Variants in TCF12 observed in about 807,000 individuals in gnomAD.
TCF12 encodes the protein DNA-binding protein HTF4.
Under a neutral mutation model 86.0 loss-of-function variants are expected in TCF12, and 45 were observed. The ratio of observed to expected loss-of-function variants is 0.52; its 90% CI spans 0.41 to 0.67. The LOEUF (loss-of-function observed/expected upper bound fraction) is 0.67. Ranked by LOEUF, TCF12 falls within the 30% of genes least tolerant of loss-of-function variation. TCF12 has a pLI of 0.00. For missense variants in TCF12, 881 were observed against 859.9 expected (o/e 1.02, Z -0.31); for synonymous variants, 330 against 299.6 (o/e 1.10, Z -1.05).
At chr15:57,190,177 G>A (rs1290628688) in intron 6 of TCF12, among the ~76,000 whole-genome samples, 7 of 152,196 alleles carry the variant, frequency 4.6e-5, no homozygotes, top group Non-Finnish European at 7.3e-5. Context: ...ACAACATTTT[G>A]AATGTACTAA....
chr15:56,921,481 A>G (rs2059790519), intron 3 of TCF12, among the ~76,000 whole-genome samples: 1 of 152,080 alleles, frequency 6.6e-6, no homozygotes, highest in African/African-American at 2.4e-5. Context: ...ATTTACTTTC[A>G]ATACATTTAT....
chr15:57,259,566 C>A (rs961287367), intron 16 of TCF12, among the ~76,000 whole-genome samples: 1 of 152,196 alleles, frequency 6.6e-6, no homozygotes, highest in Non-Finnish European at 1.5e-5. Flanking sequence ...AAAGTAAGGC[C>A]ATACATAGAT....
chr15:57,062,123 A>AT (rs1310028348), intron 3 of TCF12, among the ~76,000 whole-genome samples: 1 of 151,920 alleles, frequency 6.6e-6, no homozygotes, highest in Non-Finnish European at 1.5e-5. Context: ...CACCTGGCTA[A>AT]TTTTTTGTAT....
chr15:57,222,563 T>C (rs1021726240), intron 8 of TCF12, among the ~76,000 whole-genome samples: 1 of 151,794 alleles, frequency 6.6e-6, no homozygotes, highest in Non-Finnish European at 1.5e-5. Flanking sequence ...CTAAAACTAT[T>C]TTGCACCTTA....
At position 57,091,932 on chromosome 15, in the gene TCF12, C is replaced by G. The variant is rs367931115; in HGVS notation, c.325+41C>G. The G allele has an allele frequency of 1.2e-5, 18 of 1,538,912 alleles. No homozygotes were observed. The African/African-American group carries it at 2.3e-4, about 20-fold the overall frequency. The stretch of plus-strand genomic sequence containing the variant: ...TCTGCAAGTAGTCTTCTCAAAGCTT[C>G]TTTGGTCAGAGACATTTTTTATCCC... On this transcript the variant is annotated intron_variant, in intron 5 of 20. Transcript: ENST00000333725.
chr15:57,274,360 G>T (rs1238800343), intron 19 of TCF12, among the ~76,000 whole-genome samples: 1 of 152,194 alleles, frequency 6.6e-6, no homozygotes, highest in African/African-American at 2.4e-5. Context: ...AAGAATGAGG[G>T]ATAGATCATT....
At chr15:56,953,535 A>G (rs553764455) in intron 3 of TCF12, among the ~76,000 whole-genome samples, 11 of 152,148 alleles carry the variant, frequency 7.2e-5, no homozygotes, top group South Asian at 2.1e-4. Context: ...GAATTCACCA[A>G]TGAAACCAAC....
chr15:57,258,957 T>C (rs1169904351), intron 16 of TCF12, among the ~76,000 whole-genome samples: 1 of 152,208 alleles, frequency 6.6e-6, no homozygotes, highest in Non-Finnish European at 1.5e-5. Flanking sequence ...CAGTATTTAA[T>C]TTTAGTAATG....
intron 3 of TCF12, among the ~76,000 whole-genome samples, chr15:56,930,169 G>T (rs1409663799): frequency 6.6e-6 from 1 of 152,180 alleles, no homozygotes; most frequent in Non-Finnish European, 1.5e-5. Flanking sequence ...TGTTGGTTGG[G>T]CATGGAAGGT....
chr15:57,043,684 A>G (rs944133494), intron 3 of TCF12, among the ~76,000 whole-genome samples: 5 of 152,248 alleles, frequency 3.3e-5, no homozygotes, highest in Non-Finnish European at 2.9e-5. Flanking sequence ...AAAGTAAAAG[A>G]TACTGAATTT....
At position 57,167,410 on chromosome 15, in the gene TCF12, A is replaced by T. The variant is rs542287007; in HGVS notation, c.390+944A>T. 2.0e-5 allele frequency among the ~76,000 whole-genome samples: 3 copies of T among 152,158 alleles called. No individual in the cohort carries two copies. The East Asian group carries it at 5.8e-4, about 29-fold the overall frequency. On this transcript the variant is annotated intron_variant, in intron 6 of 20. Coordinates refer to ENST00000333725, the MANE Select transcript of TCF12 (RefSeq NM_207037.2). Reference sequence around the variant, plus strand: ...ACCTTGTCTCTACTTAAAATGTAAAAATCAGCCAGGTGTAGTGGTGCATGC... The same window carrying T: ...ACCTTGTCTCTACTTAAAATGTAAATATCAGCCAGGTGTAGTGGTGCATGC...
chr15:56,995,671 T>G (rs569713395), intron 3 of TCF12, among the ~76,000 whole-genome samples: 1 of 152,284 alleles, frequency 6.6e-6, no homozygotes, highest in African/African-American at 2.4e-5. Context: ...TGTAGTTGCC[T>G]ATCAGCTCTA....
chr15:57,219,101 G>A, intron 8 of TCF12: 1 of 1,058,670 alleles, frequency 9.4e-7, no homozygotes, highest in Non-Finnish European at 1.1e-6. Flanking sequence ...TGCCACAAGT[G>A]CTCTAATTTA....
intron 7 of TCF12, 80 bp downstream of exon 7, chr15:57,192,373 GC>G: frequency 6.9e-7 from 1 of 1,455,202 alleles, no homozygotes; most frequent in Non-Finnish European, 9.2e-7. Context: ...TTCTGGCTAT[GC>G]TTTTTTTTTT....
In TCF12 at chr15:57,182,724, GA is replaced by G. The variant is rs1248945170; in HGVS notation, c.391-9429del. ...CATATCCAGATTTGTCTATAGTGAGGAAAAAGGTTTATCAACACTAAAACTG... is the reference window on the plus strand; with the variant it reads ...CATATCCAGATTTGTCTATAGTGAGGAAAAGGTTTATCAACACTAAAACTG... On this transcript the variant is annotated intron_variant, in intron 6 of 20. Coordinates refer to ENST00000333725, the MANE Select transcript of TCF12 (RefSeq NM_207037.2). Among the ~76,000 whole-genome samples, 11 of 152,160 alleles carry G rather than the reference GA, an allele frequency of 7.2e-5. No individual in the cohort carries two copies. In the East Asian group the frequency reaches 1.9e-3, roughly 27 times the overall value.
chr15:57,238,357 ATTGT>A (rs755621172), intron 12 of TCF12, among the ~76,000 whole-genome samples: 10 of 152,244 alleles, frequency 6.6e-5, no homozygotes, highest in Non-Finnish European at 1.2e-4. Flanking sequence ...ATGGTTAGGG[ATTGT>A]TTAAGTGTAA....
intron 8 of TCF12, among the ~76,000 whole-genome samples, chr15:57,225,627 C>G (rs1471034622): frequency 6.6e-6 from 1 of 152,016 alleles, no homozygotes; most frequent in Non-Finnish European, 1.5e-5. Flanking sequence ...TGAAAATGAT[C>G]AGAAAAATAT....
At chr15:56,948,713 G>C (rs2061126026) in intron 3 of TCF12, among the ~76,000 whole-genome samples, 1 of 152,200 alleles carries the variant, frequency 6.6e-6, no homozygotes, top group Non-Finnish European at 1.5e-5. Context: ...CAGAAGTACA[G>C]AGGTACCAAA....
chr15:56,992,339 G>A (rs1432972922), intron 3 of TCF12, among the ~76,000 whole-genome samples: 4 of 152,114 alleles, frequency 2.6e-5, no homozygotes, highest in African/African-American at 9.7e-5. Flanking sequence ...AAGTTTTATT[G>A]CCACATTCTT....
Sources: allele counts gnomAD v4.1 joint callset (sites outside exome capture counted in the v4.1 genomes callset), GRCh38; gene constraint gnomAD v4.1.1; transcripts MANE v1.5; gene names NCBI Gene and HGNC (gene_info 2026-07-23, HGNC 2026-07-21).